The following DYRK1A variants were observed in gnomAD, a reference collection of about 807,000 sequenced individuals.
DYRK1A encodes the protein dual specificity tyrosine phosphorylation regulated kinase 1A, also known as dual specificity tyrosine-phosphorylation-regulated kinase 1A.
Under a neutral mutation model 79.7 loss-of-function variants are expected in DYRK1A, and 9 were observed. The ratio of observed to expected loss-of-function variants is 0.11; its 90% confidence interval spans 0.07 to 0.20. The LOEUF is 0.20. Among genes scored for constraint, DYRK1A ranks in the 10% least tolerant of loss-of-function variants. The pLI, the probability that DYRK1A is intolerant of heterozygous loss-of-function variation, is 1.00. For synonymous variants in DYRK1A, 349 were observed against 329.7 expected (o/e 1.06, Z -0.63); for missense variants, 622 against 956.0 (o/e 0.65, Z 4.61).
chr21:37,463,074 A>AT (rs2051897386), intron 2 of DYRK1A, among the ~76,000 whole-genome samples: 1 of 151,894 alleles, frequency 6.6e-6, no homozygotes. Flanking sequence ...ATGCTGAAAA[A>AT]CCTGAGATTT....
chr21:37,462,321 A>G (rs541777718), intron 2 of DYRK1A, among the ~76,000 whole-genome samples: 2 of 152,218 alleles, frequency 1.3e-5, no homozygotes, highest in East Asian at 1.9e-4. Context: ...CAGGCTGTTA[A>G]TTCACTTGCA....
intron 9 of DYRK1A, among the ~76,000 whole-genome samples, chr21:37,501,167 T>TTTTTTTTTTTTTTTTTG: frequency 1.1e-5 from 1 of 89,376 alleles, no homozygotes; most frequent in African/African-American, 3.9e-5. Flanking sequence ...TTGTTGTTGG[T>TTTTTTTTTTTTTTTTTG]TTTTTTTTTT....
In DYRK1A at chr21:37,514,561, C is replaced by T. The variant is rs923358953; in HGVS notation, c.*2030C>T. On this transcript the variant is annotated 3_prime_UTR_variant, in exon 12 of 12. Coordinates refer to ENST00000647188, the MANE Select transcript of DYRK1A (RefSeq NM_001347721.2). ...ACAAAAGCAGGTTTTTATATGTAAA[C>T]AGTGAGAAAAGAAAGGCTAAACACT... 6.6e-6 allele frequency: 1 copy of T among 152,378 alleles called. No homozygotes were observed. Among genetic ancestry groups the T allele is most frequent in the African/African-American group, 2.4e-5 (1 of 41,350 alleles). 9.4% of individuals were successfully genotyped at this position (152,378 alleles called of 1,614,324 possible).
chr21:37,454,031 A>G (rs1480050063), intron 2 of DYRK1A, among the ~76,000 whole-genome samples: 1 of 149,262 alleles, frequency 6.7e-6, no homozygotes, highest in Non-Finnish European at 1.5e-5. Context: ...CAGTCTTTAC[A>G]TACTTGAGTC....
At chr21:37,501,976 C>G (rs1315480349) in intron 9 of DYRK1A, 2 of 152,106 alleles carry the variant, frequency 1.3e-5, no homozygotes, top group African/African-American at 4.8e-5. Context: ...TTTTATCATC[C>G]TGAAATGTCC....
At chr21:37,470,130 C>T (rs182660132) in intron 2 of DYRK1A, among the ~76,000 whole-genome samples, 198 of 152,036 alleles carry the variant, frequency 1.3e-3, no homozygotes, top group Admixed American at 0.011. Flanking sequence ...GGTGACAGAG[C>T]GAGACTCTGT....
Position 37,522,428 on chromosome 21 carries a change from T to C in DYRK1A, c.*9897T>C, listed in dbSNP as rs1380885503. 6.6e-6 allele frequency: 1 copy of C among 152,302 alleles called. No individual in the cohort carries two copies. Among genetic ancestry groups the C allele is most frequent in the Non-Finnish European group, 1.5e-5 (1 of 68,060 alleles). The allele number at this position is 152,302 out of a possible 1,614,324, so 9.4% of individuals were successfully genotyped here. A position where few individuals can be genotyped will look rare whatever the true frequency, so the allele number is the denominator to read the frequency against. On this transcript the variant is annotated 3_prime_UTR_variant, in exon 12 of 12. Coordinates refer to ENST00000647188, the MANE Select transcript of DYRK1A (RefSeq NM_001347721.2). ...ACAGTCTGTCTTCTAGTCAGGCCTC[T>C]TTCCAGTTCTCCACGCTGACCTTGA...
intron 1 of DYRK1A, among the ~76,000 whole-genome samples, chr21:37,370,784 C>T (rs1259693896): frequency 2.0e-5 from 3 of 152,126 alleles, no homozygotes; most frequent in Non-Finnish European, 2.9e-5. Context: ...GGTGATTTTA[C>T]CTCCATATAT....
chr21:37,460,681 T>G (rs755846735), intron 2 of DYRK1A, among the ~76,000 whole-genome samples: 7 of 152,208 alleles, frequency 4.6e-5, no homozygotes, highest in Non-Finnish European at 7.3e-5. Context: ...TTGTACTAAG[T>G]AGGGAAGAAT....
chr21:37,500,999 A>G (rs2053427367), intron 9 of DYRK1A, among the ~76,000 whole-genome samples: 1 of 147,712 alleles, frequency 6.8e-6, no homozygotes, highest in Non-Finnish European at 1.5e-5. Flanking sequence ...CATTATGTCC[A>G]TTTACTTGGG....
At chr21:37,373,949 C>T (rs2049484820) in intron 1 of DYRK1A, among the ~76,000 whole-genome samples, 1 of 152,116 alleles carries the variant, frequency 6.6e-6, no homozygotes, top group African/African-American at 2.4e-5. Flanking sequence ...AGTTTATTTT[C>T]TGTATTTAAT....
chr21:37,430,237 T>C (rs2050740479), intron 2 of DYRK1A: 2 of 930,208 alleles, frequency 2.2e-6, no homozygotes, highest in Non-Finnish European at 2.6e-6. Context: ...CATCTTTCTT[T>C]CACTTAATTG....
chr21:37,479,619 G>GTTTTTTTTTGT (rs2052552805), intron 4 of DYRK1A, among the ~76,000 whole-genome samples: 2 of 73,898 alleles, frequency 2.7e-5, no homozygotes, highest in African/African-American at 5.2e-5. Context: ...TTTGTTTTTT[G>GTTTTTTTTTGT]TTTTTTTTTT....
chr21:37,385,804 T>TA (rs1358661987), intron 1 of DYRK1A, among the ~76,000 whole-genome samples: 1 of 152,188 alleles, frequency 6.6e-6, no homozygotes, highest in African/African-American at 2.4e-5. Context: ...ATGGAGAAAT[T>TA]AGTCTGAAAG....
chr21:37,401,875 A>C (rs2050060943), intron 1 of DYRK1A, among the ~76,000 whole-genome samples: 1 of 152,226 alleles, frequency 6.6e-6, no homozygotes, highest in South Asian at 2.1e-4. Context: ...GCTCTTCTTC[A>C]CATGAACTTT....
rs1354803366 is a variant in DYRK1A at position 37,471,531 on chromosome 21, T to TAC, written c.11-1153_11-1152insAC. On this transcript the variant is annotated intron_variant, in intron 2 of 11. Coordinates refer to ENST00000647188, the MANE Select transcript of DYRK1A (RefSeq NM_001347721.2). The stretch of plus-strand genomic sequence containing the variant: ...CAGATAACATTGGGCCATTTATTAA[T>TAC]TGCCAGAGCTGTTCTGAGTATGTTG... 9.6e-3 allele frequency among the ~76,000 whole-genome samples: 1,463 copies of TAC among 152,342 alleles called. 22 individuals are homozygous for TAC. The highest frequency in any genetic ancestry group is 0.034 in the African/African-American group (1,400 of 41,572).
intron 2 of DYRK1A, among the ~76,000 whole-genome samples, chr21:37,460,685 G>A (rs995988917): frequency 2.5e-4 from 38 of 152,192 alleles, no homozygotes; most frequent in Middle Eastern, 6.8e-3. Flanking sequence ...ACTAAGTAGG[G>A]AAGAATTTTA....
intron 1 of DYRK1A, among the ~76,000 whole-genome samples, chr21:37,379,154 T>C (rs911731111): frequency 1.3e-5 from 2 of 151,914 alleles, no homozygotes; most frequent in African/African-American, 2.4e-5. Flanking sequence ...TATAAAGATA[T>C]GAATTTGGGG....
chr21:37,508,459 G>A (rs568513885), intron 11 of DYRK1A, among the ~76,000 whole-genome samples: 2 of 152,246 alleles, frequency 1.3e-5, no homozygotes, highest in East Asian at 3.9e-4. Flanking sequence ...GCTAATTTTT[G>A]TATTTGTAGT....
Sources: allele counts gnomAD v4.1 joint callset (sites outside exome capture counted in the v4.1 genomes callset), GRCh38; gene constraint gnomAD v4.1.1; transcripts MANE v1.5; gene names NCBI Gene and HGNC (gene_info 2026-07-23, HGNC 2026-07-21).